The following PCDHA1 variants were observed in gnomAD, a reference collection of about 807,000 sequenced individuals.
PCDHA1 encodes the protein protocadherin alpha-1.
Under a neutral mutation model 61.3 loss-of-function variants are expected in PCDHA1, and 42 were observed. The observed-to-expected ratio is 0.69, with a 90% CI of 0.54 to 0.89. PCDHA1 has a LOEUF of 0.89. Ranked by LOEUF, PCDHA1 falls within the 40% of genes least tolerant of loss-of-function variation. The probability of loss-of-function intolerance (pLI) is 0.00; values close to 1 mark genes in which losing one functional copy is unlikely to be tolerated. For synonymous variants in PCDHA1, 610 were observed against 553.8 expected (o/e 1.10, Z -1.43); for missense variants, 1,256 against 1,235.3 (o/e 1.02, Z -0.25).
intron 1 of PCDHA1, among the ~76,000 whole-genome samples, chr5:140,818,349 G>T (rs1214100703): frequency 6.6e-6 from 1 of 152,134 alleles, no homozygotes; most frequent in African/African-American, 2.4e-5. Context: ...CACTGTCAAA[G>T]TCATTGATTG....
intron 1 of PCDHA1, chr5:140,875,770 G>A: frequency 1.2e-6 from 2 of 1,614,230 alleles, no homozygotes; most frequent in East Asian, 2.2e-5. Flanking sequence ...CGGGCGGAGC[G>A]CGGAGTGCAG....
intron 1 of PCDHA1, among the ~76,000 whole-genome samples, chr5:140,880,167 G>A (rs1363011800): frequency 2.0e-5 from 3 of 152,160 alleles, no homozygotes; most frequent in African/African-American, 7.2e-5. Context: ...TATGTTAGAA[G>A]TTAAACATGA....
intron 1 of PCDHA1, chr5:140,928,071 C>CTACTACAGCCTGCTG: frequency 6.2e-7 from 1 of 1,614,220 alleles, no homozygotes; most frequent in South Asian, 1.1e-5. Context: ...CCTTTGACAA[C>CTACTACAGCCTGCTG]TACTACAGCC....
At chr5:141,009,568 G>A in intron 3 of PCDHA1, 59 bp from the exon 4 acceptor site, 4 of 1,577,106 alleles carry the variant, frequency 2.5e-6, no homozygotes, top group Non-Finnish European at 3.4e-6. Context: ...TCTACCAGCA[G>A]TGTGGCATCA....
At chr5:140,963,871 T>A (rs2095795562) in intron 1 of PCDHA1, among the ~76,000 whole-genome samples, 1 of 152,238 alleles carries the variant, frequency 6.6e-6, no homozygotes, top group Non-Finnish European at 1.5e-5. Context: ...GAGTTTTGCT[T>A]ACTATTGTTT....
intron 1 of PCDHA1, chr5:140,968,491 T>C: frequency 6.2e-7 from 1 of 1,614,130 alleles, no homozygotes; most frequent in Non-Finnish European, 8.5e-7. Flanking sequence ...TGAATGACCA[T>C]GCCCCTCACA....
At chr5:140,789,870 T>C (rs1441627620) in intron 1 of PCDHA1, among the ~76,000 whole-genome samples, 2 of 152,268 alleles carry the variant, frequency 1.3e-5, no homozygotes, top group Non-Finnish European at 2.9e-5. Context: ...AAAAACTTGC[T>C]TGCTGTTAAT....
Position 140,786,812 on chromosome 5 carries a change from G to T in PCDHA1, c.522G>T (p.Pro174=). The T allele has an allele frequency of 6.2e-7, 1 of 1,614,168 alleles. No individual in the cohort carries two copies. The highest frequency in any genetic ancestry group is 8.5e-7 in the Non-Finnish European group (1 of 1,180,020). ...ANALLTYTLS[P]SDYFSLDVEA... Reference sequence around the variant, plus strand: ...CTCTTCTAACGTACACGCTCAGCCCGAGTGATTATTTCTCTTTGGATGTAG... The same window carrying T: ...CTCTTCTAACGTACACGCTCAGCCCTAGTGATTATTTCTCTTTGGATGTAG... The change falls in exon 1 of 4, where the codon CCG becomes CCT. Residue 174 remains proline (P), a synonymous_variant. Transcript: ENST00000504120.
In PCDHA1 at chr5:140,903,479, T is replaced by C. The variant is rs73266018; in HGVS notation, c.2395-75470T>C. On this transcript the variant is annotated intron_variant, in intron 1 of 3. Transcript: ENST00000504120. The stretch of plus-strand genomic sequence containing the variant: ...ACTTAAAATATTATTCCTTGCATTA[T>C]AGTTCTGAGCAGGTACCATAGATAA... Among the ~76,000 whole-genome samples, 476 of 152,354 alleles carry C rather than the reference T, an allele frequency of 3.1e-3. 2 individuals are homozygous for C. The highest frequency in any genetic ancestry group is 0.011 in the African/African-American group (456 of 41,586).
intron 1 of PCDHA1, chr5:140,803,307 A>G (rs782683295): frequency 5.6e-6 from 9 of 1,614,134 alleles, no homozygotes; most frequent in South Asian, 4.4e-5. Flanking sequence ...GATCGTCGCC[A>G]TCTGCGCGGT....
chr5:140,824,126 A>G, intron 1 of PCDHA1: 2 of 1,613,742 alleles, frequency 1.2e-6, no homozygotes, highest in South Asian at 1.1e-5. Flanking sequence ...TCTACAGACA[A>G]CGTGAGTTTT....
intron 1 of PCDHA1, among the ~76,000 whole-genome samples, chr5:140,925,028 T>C (rs2082253756): frequency 6.6e-6 from 1 of 151,580 alleles, no homozygotes; most frequent in Admixed American, 6.6e-5. Context: ...GGAGGATCGC[T>C]TGAGCCCAGA....
In PCDHA1 at chr5:140,855,887, C is replaced by T. The variant is rs2043661726; in HGVS notation, c.2394+67203C>T. 3.0e-6 allele frequency: 3 copies of T among 985,500 alleles called. No individual in the cohort carries two copies. The African/African-American group carries it at 4.9e-5, about 16-fold the overall frequency. The allele number at this position is 985,500 out of a possible 1,614,324, so 61.0% of individuals were successfully genotyped here. A position where few individuals can be genotyped will look rare whatever the true frequency, so the allele number is the denominator to read the frequency against. ...TCGTCCACAAAATAGCTTTTTAGAA[C>T]AAAGGCATCAGCCAGTTTCTCAAGG... On this transcript the variant is annotated intron_variant, in intron 1 of 3. Transcript: ENST00000504120.
intron 1 of PCDHA1, chr5:140,802,436 G>A (rs1554122134): frequency 1.2e-6 from 2 of 1,614,228 alleles, no homozygotes; most frequent in Admixed American, 1.7e-5. Flanking sequence ...ACAGCCCTCT[G>A]GACCGCGAGA....
At chr5:140,858,624 G>T (rs112932902) in intron 1 of PCDHA1, 7 of 1,115,778 alleles carry the variant, frequency 6.3e-6, no homozygotes, top group African/African-American at 4.7e-5. Context: ...CCTACCCAGT[G>T]TGTCAGCCTT....
At chr5:140,823,642 G>T (rs138093911) in intron 1 of PCDHA1, 6 of 1,614,036 alleles carry the variant, frequency 3.7e-6, no homozygotes, top group Non-Finnish European at 5.1e-6. Context: ...CCCGTTCCGC[G>T]TGGGGCTGTA....
At chr5:140,812,917 GT>G (rs1554126079) in intron 1 of PCDHA1, 1 of 152,098 alleles carries the variant, frequency 6.6e-6, no homozygotes. Flanking sequence ...TCAAAATTCT[GT>G]TGTTTAATTT....
At position 140,849,790 on chromosome 5, in the gene PCDHA1, C is replaced by T. The variant is rs2150450402; in HGVS notation, c.2394+61106C>T. The T allele has an allele frequency of 6.1e-5, 97 of 1,598,120 alleles. 10 individuals are homozygous for T. Among genetic ancestry groups the T allele is most frequent in the Middle Eastern group, 1.7e-4 (1 of 5,854 alleles). On this transcript the variant is annotated intron_variant, in intron 1 of 3. Transcript: ENST00000504120. The stretch of plus-strand genomic sequence containing the variant: ...GTGGTTACCGCGCGGGACGGGGGCT[C>T]GCCTTCACTGTGGGCCACGGCCAGG...
chr5:140,883,946 G>T (rs139225969), intron 1 of PCDHA1: 2 of 1,613,274 alleles, frequency 1.2e-6, no homozygotes, highest in Non-Finnish European at 1.7e-6. Flanking sequence ...GGACGAGAAC[G>T]ACAACGCTCC....
Sources: allele counts gnomAD v4.1 joint callset (sites outside exome capture counted in the v4.1 genomes callset), GRCh38; gene constraint gnomAD v4.1.1; transcripts MANE v1.5; gene names NCBI Gene and HGNC (gene_info 2026-07-23, HGNC 2026-07-21).